The following ANK1 variants were observed in gnomAD, a reference collection of about 807,000 sequenced individuals.
ANK1 encodes ankyrin-1.
ANK1 carries 51 observed loss-of-function variants against 210.4 expected under a neutral mutation model. The observed-to-expected ratio is 0.24, with a 90% CI of 0.19 to 0.31. The LOEUF (loss-of-function observed/expected upper bound fraction) is 0.31, where lower values mean the gene tolerates loss of function less well. Ranked by LOEUF, ANK1 falls within the 10% of genes least tolerant of loss-of-function variation. ANK1 has a pLI of 1.00. For missense variants in ANK1, 2,051 were observed against 2,504.4 expected (o/e 0.82, Z 3.86); for synonymous variants, 967 against 1,025.9 (o/e 0.94, Z 1.10).
At chr8:41,752,170 G>T (rs922930991) in intron 2 of ANK1, among the ~76,000 whole-genome samples, 11 of 152,108 alleles carry the variant, frequency 7.2e-5, no homozygotes, top group Non-Finnish European at 1.3e-4. Flanking sequence ...CTCCTCCCCA[G>T]TGTCTCCCAT....
chr8:41,725,188 A>G (rs879549999), intron 6 of ANK1, among the ~76,000 whole-genome samples: 13 of 152,232 alleles, frequency 8.5e-5, no homozygotes, highest in Admixed American at 8.5e-4. Context: ...TTTTCCAGAC[A>G]AAACCCGGTG....
At chr8:41,769,645 G>A (rs772867108) in intron 1 of ANK1, among the ~76,000 whole-genome samples, 21 of 152,286 alleles carry the variant, frequency 1.4e-4, no homozygotes, top group African/African-American at 4.1e-4. Context: ...GACACACTAC[G>A]AGTTGCACAT....
intron 16 of ANK1, among the ~76,000 whole-genome samples, chr8:41,710,696 G>A (rs1243269323): frequency 6.6e-6 from 1 of 152,254 alleles, no homozygotes; most frequent in Non-Finnish European, 1.5e-5. Flanking sequence ...CTGTCTCAGG[G>A]CACGAGATTT....
chr8:41,655,726 T>C lies in ANK1; in HGVS notation c.*64A>G, dbSNP rs767748017. 4.9e-5 allele frequency: 79 copies of C among 1,613,738 alleles called. No individual in the cohort carries two copies. In the East Asian group the frequency reaches 1.7e-3, roughly 36 times the overall value. On this transcript the variant is annotated 3_prime_UTR_variant, in exon 43 of 43. Coordinates refer to ENST00000289734, the MANE Select transcript of ANK1 (RefSeq NM_000037.4). Reference sequence around the variant, plus strand: ...TGTGTGCATGGCAGAGTGTGTGGGGTTCAGGGGTTGGGTGTCGAGGTGTGA... The same window carrying C: ...TGTGTGCATGGCAGAGTGTGTGGGGCTCAGGGGTTGGGTGTCGAGGTGTGA...
At chr8:41,701,515 T>A in intron 22 of ANK1, 35 bp downstream of exon 22, 1 of 1,608,960 alleles carries the variant, frequency 6.2e-7, no homozygotes, top group Non-Finnish European at 8.5e-7. Flanking sequence ...AGCCCCTCTG[T>A]CCCCACCAGC....
chr8:41,672,988 A>G, intron 37 of ANK1, 76 bp from the exon 38 acceptor site: 1 of 1,381,380 alleles, frequency 7.2e-7, no homozygotes, highest in Non-Finnish European at 9.9e-7. Context: ...GTCCACGCAC[A>G]CGCACGAACA....
Position 41,728,059 on chromosome 8 carries a change from G to A in ANK1, c.229-53C>T, listed in dbSNP as rs2304870. On this transcript the variant is annotated intron_variant, in intron 3 of 42. Coordinates refer to ENST00000289734, the MANE Select transcript of ANK1 (RefSeq NM_000037.4). ...GGCGGTTTCCCACTGGGCCCGCTAC[G>A]GGACCAGCAAAGGTCTGTGGACAGG... The A allele has an allele frequency of 0.24, 381,410 of 1,576,470 alleles. 49,092 individuals are homozygous for A. Among genetic ancestry groups the A allele is most frequent in the Admixed American group, 0.27 (16,305 of 59,806 alleles).
At chr8:41,703,448 A>ATTTTTTTTTTT (rs1198353842) in intron 20 of ANK1, among the ~76,000 whole-genome samples, 1 of 60,198 alleles carries the variant, frequency 1.7e-5, no homozygotes, top group African/African-American at 6.9e-5. Context: ...ATATATATAT[A>ATTTTTTTTTTT]TATTTTTTTT....
intron 2 of ANK1, among the ~76,000 whole-genome samples, chr8:41,752,640 G>A (rs941678592): frequency 2.6e-5 from 4 of 152,174 alleles, no homozygotes; most frequent in Non-Finnish European, 5.9e-5. Context: ...CCCACCTGCC[G>A]TGGAAGCCAG....
chr8:41,688,358 C>T, intron 34 of ANK1, 128 bp from the exon 35 acceptor site: 1 of 1,426,002 alleles, frequency 7.0e-7, no homozygotes, highest in Non-Finnish European at 9.9e-7. Context: ...TCTGCAAGAT[C>T]AGGGGAAGAC....
intron 3 of ANK1, among the ~76,000 whole-genome samples, chr8:41,728,572 T>A (rs1411360299): frequency 1.3e-5 from 2 of 151,896 alleles, no homozygotes; most frequent in East Asian, 3.9e-4. Context: ...AGAAAAACAT[T>A]TAAAAAGAAG....
chr8:41,770,876 G>A (rs1842843184), intron 1 of ANK1, among the ~76,000 whole-genome samples: 1 of 152,258 alleles, frequency 6.6e-6, no homozygotes, highest in Non-Finnish European at 1.5e-5. Context: ...CCACATTGGA[G>A]CTAATTATAT....
intron 31 of ANK1, among the ~76,000 whole-genome samples, chr8:41,691,927 A>G (rs1819374292): frequency 6.6e-6 from 1 of 152,220 alleles, no homozygotes; most frequent in South Asian, 2.1e-4. Flanking sequence ...CCTGGGCTCA[A>G]AGCGATCCTC....
At chr8:41,862,459 TCCCAGGTCAGA>T (rs1813453712) in intron 1 of ANK1, among the ~76,000 whole-genome samples, 1 of 152,062 alleles carries the variant, frequency 6.6e-6, no homozygotes, top group South Asian at 2.1e-4. Context: ...TGATTCATCT[TCCCAGGTCAGA>T]CTGGAGAAGA....
intron 1 of ANK1, among the ~76,000 whole-genome samples, chr8:41,875,725 G>C (rs1256852246): frequency 6.6e-6 from 1 of 152,192 alleles, no homozygotes; most frequent in Non-Finnish European, 1.5e-5. Context: ...AACACGCTTT[G>C]CAGGGGGAGG....
intron 1 of ANK1, among the ~76,000 whole-genome samples, chr8:41,782,225 TAGAG>T (rs1278385315): frequency 5.3e-5 from 8 of 152,252 alleles, no homozygotes; most frequent in South Asian, 2.1e-4. Flanking sequence ...AATATTTCCA[TAGAG>T]AGCTTTCAAA....
At position 41,759,862 on chromosome 8, in the gene ANK1, G is replaced by C. The variant is rs1586755218; in HGVS notation, c.28-1725C>G. Among the ~76,000 whole-genome samples, 8 of 152,294 alleles carry C rather than the reference G, an allele frequency of 5.3e-5. 1 individual carries two copies. The South Asian group carries it at 1.7e-3, about 32-fold the overall frequency. On this transcript the variant is annotated intron_variant, in intron 1 of 42. Transcript: ENST00000289734. ...CCATTTTACAGATGAGTGGGCTGAGGCACAGAGAGCAGAAGTGCCTTGTGC... is the reference window on the plus strand; with the variant it reads ...CCATTTTACAGATGAGTGGGCTGAGCCACAGAGAGCAGAAGTGCCTTGTGC...
rs561993370 is a variant in ANK1 at position 41,780,756 on chromosome 8, G to A, written c.27+16756C>T. On this transcript the variant is annotated intron_variant, in intron 1 of 42. Transcript: ENST00000289734. ...CATGTGTATGCATGTGCACGAGTGT[G>A]TGCATGTATGAGTTTGTATTTGTGT... 3.3e-5 allele frequency among the ~76,000 whole-genome samples: 5 copies of A among 152,352 alleles called. No homozygotes were observed. The East Asian group carries it at 9.7e-4, about 29-fold the overall frequency.
At position 41,854,366 on chromosome 8, in the gene ANK1, A is replaced by G. The variant is rs76169809; in HGVS notation, c.126+41989T>C. Among the ~76,000 whole-genome samples, 523 of 152,292 alleles carry G rather than the reference A, an allele frequency of 3.4e-3. 1 individual carries two copies. Among genetic ancestry groups the G allele is most frequent in the African/African-American group, 0.011 (451 of 41,562 alleles). Reference sequence around the variant, plus strand: ...TCCATCCAGCTCAGCTTGGTCCCCAATCCCATCAAGCCAATCAAGGAGCCA... The same window carrying G: ...TCCATCCAGCTCAGCTTGGTCCCCAGTCCCATCAAGCCAATCAAGGAGCCA... On this transcript the variant is annotated intron_variant, in intron 1 of 42. Transcript: ENST00000265709.
Sources: allele counts gnomAD v4.1 joint callset (sites outside exome capture counted in the v4.1 genomes callset), GRCh38; gene constraint gnomAD v4.1.1; transcripts MANE v1.5; gene names NCBI Gene and HGNC (gene_info 2026-07-23, HGNC 2026-07-21).